AKT3: variants seen among roughly 807,000 people sequenced by gnomAD.
AKT3 encodes the protein AKT serine/threonine kinase 3.
AKT3 carries 15 observed loss-of-function variants against 65.3 expected under a neutral mutation model. That is an observed-to-expected ratio of 0.23 (90% confidence interval 0.15 to 0.35). The LOEUF is 0.35. Ranked by LOEUF, AKT3 falls within the 10% of genes least tolerant of loss-of-function variation. The pLI is 1.00. For synonymous variants in AKT3, 206 were observed against 183.8 expected (o/e 1.12, Z -0.98); for missense variants, 243 against 576.5 (o/e 0.42, Z 5.92).
At chr1:243,599,956 T>A (rs977177996) in intron 8 of AKT3, among the ~76,000 whole-genome samples, 1 of 152,096 alleles carries the variant, frequency 6.6e-6, no homozygotes, top group African/African-American at 2.4e-5. Context: ...CTAAAACTAA[T>A]ATTAGTATGG....
At chr1:243,635,133 A>T (rs933079319) in intron 6 of AKT3, among the ~76,000 whole-genome samples, 4 of 151,978 alleles carry the variant, frequency 2.6e-5, no homozygotes, top group Admixed American at 1.3e-4. Flanking sequence ...CAACTACAAC[A>T]TGAAGTTAGA....
chr1:243,746,148 T>C (rs1485817866), intron 2 of AKT3, among the ~76,000 whole-genome samples: 1 of 152,194 alleles, frequency 6.6e-6, no homozygotes, highest in African/African-American at 2.4e-5. Flanking sequence ...AATGCTTATT[T>C]TACTAAACTC....
At chr1:243,816,164 T>C (rs1434052360) in intron 2 of AKT3, among the ~76,000 whole-genome samples, 1 of 152,176 alleles carries the variant, frequency 6.6e-6, no homozygotes, top group Non-Finnish European at 1.5e-5. Flanking sequence ...ATAATTCCAT[T>C]TCTGGTGGGA....
chr1:243,777,459 G>C (rs1054815858), intron 2 of AKT3, among the ~76,000 whole-genome samples: 1 of 152,142 alleles, frequency 6.6e-6, no homozygotes, highest in African/African-American at 2.4e-5. Flanking sequence ...GAGAAAAATT[G>C]TAACAGAAAT....
intron 4 of AKT3, among the ~76,000 whole-genome samples, chr1:243,651,370 T>G (rs769177624): frequency 6.6e-6 from 1 of 152,174 alleles, no homozygotes; most frequent in Non-Finnish European, 1.5e-5. Context: ...CTCTTCCTAT[T>G]TGAATATCCT....
chr1:243,675,697 T>C (rs1046781061), intron 3 of AKT3, among the ~76,000 whole-genome samples: 4 of 152,226 alleles, frequency 2.6e-5, no homozygotes, highest in African/African-American at 9.7e-5. Context: ...AGATATATTT[T>C]CCTTGTTCTC....
chr1:243,691,808 C>G (rs1482816604), intron 3 of AKT3, among the ~76,000 whole-genome samples: 1 of 152,114 alleles, frequency 6.6e-6, no homozygotes, highest in Non-Finnish European at 1.5e-5. Context: ...AGAGGCCTAG[C>G]CTAGAGATTT....
At chr1:243,772,748 T>C (rs1029509181) in intron 2 of AKT3, among the ~76,000 whole-genome samples, 2 of 152,174 alleles carry the variant, frequency 1.3e-5, no homozygotes, top group Non-Finnish European at 2.9e-5. Context: ...ATATGTTTAT[T>C]GAGGCACTAC....
intron 9 of AKT3, among the ~76,000 whole-genome samples, chr1:243,568,803 C>A (rs1218591882): frequency 6.6e-6 from 1 of 152,146 alleles, no homozygotes; most frequent in Non-Finnish European, 1.5e-5. Flanking sequence ...ACTCACTGGC[C>A]TGGAAGCTTC....
intron 2 of AKT3, among the ~76,000 whole-genome samples, chr1:243,816,785 G>A (rs1693552337): frequency 6.6e-6 from 1 of 152,136 alleles, no homozygotes; most frequent in Non-Finnish European, 1.5e-5. Flanking sequence ...CTTATAAAGG[G>A]AGAAAGGGCA....
At chr1:243,540,213 C>A (rs953353249) in intron 12 of AKT3, among the ~76,000 whole-genome samples, 1 of 151,878 alleles carries the variant, frequency 6.6e-6, no homozygotes, top group African/African-American at 2.4e-5. Context: ...ATACAATGTA[C>A]CAACGCTAGC....
At chr1:243,697,345 T>C (rs1250511234) in intron 2 of AKT3, among the ~76,000 whole-genome samples, 1 of 151,908 alleles carries the variant, frequency 6.6e-6, no homozygotes, top group African/African-American at 2.4e-5. Context: ...CTGCAGTATG[T>C]TGTTTTGGTT....
downstream of AKT3, among the ~76,000 whole-genome samples, chr1:243,496,781 T>C (rs896218986): frequency 6.6e-6 from 1 of 152,206 alleles, no homozygotes; most frequent in African/African-American, 2.4e-5. Flanking sequence ...TTTCTTACAC[T>C]CAGAACTTAA....
chr1:243,601,395 C>T (rs1395523747), intron 8 of AKT3, among the ~76,000 whole-genome samples: 1 of 152,094 alleles, frequency 6.6e-6, no homozygotes, highest in Non-Finnish European at 1.5e-5. Context: ...AAAAATACCA[C>T]TATACATCCA....
At position 243,586,814 on chromosome 1, in the gene AKT3, T is replaced by G. The variant is rs141702577; in HGVS notation, c.697-13766A>C. On this transcript the variant is annotated intron_variant, in intron 8 of 13. Transcript: ENST00000673466. ...CATGGGATCATTTGTATGCCAAACC[T>G]CAGCATCATGGCCATATACCCAGGT... is the stretch of plus-strand genomic sequence containing the variant. 3.0e-3 allele frequency among the ~76,000 whole-genome samples: 452 copies of G among 151,992 alleles called. 5 individuals carry two copies. Among genetic ancestry groups the G allele is most frequent in the African/African-American group, 0.01 (422 of 41,442 alleles).
chr1:243,505,516 T>C (rs1230821739), intron 13 of AKT3, among the ~76,000 whole-genome samples, 182 bp from the exon 14 acceptor site: 1 of 152,166 alleles, frequency 6.6e-6, no homozygotes, highest in Non-Finnish European at 1.5e-5. Flanking sequence ...TTTTCATAAA[T>C]ACATAGTCTA....
intron 3 of AKT3, among the ~76,000 whole-genome samples, chr1:243,675,009 TTCCATCTTTATG>T (rs1683404012): frequency 6.6e-6 from 1 of 152,176 alleles, no homozygotes; most frequent in South Asian, 2.1e-4. Flanking sequence ...TGTCTATTAT[TTCCATCTTTATG>T]TCCATATGTA....
At chr1:243,656,988 A>G (rs1681851145) in intron 4 of AKT3, among the ~76,000 whole-genome samples, 1 of 152,254 alleles carries the variant, frequency 6.6e-6, no homozygotes, top group Admixed American at 6.5e-5. Context: ...TAAAACACAC[A>G]GAAATAATAC....
intron 8 of AKT3, among the ~76,000 whole-genome samples, chr1:243,583,007 A>C (rs1365277390): frequency 3.3e-5 from 5 of 151,460 alleles, no homozygotes; most frequent in African/African-American, 1.2e-4. Flanking sequence ...AGTTAAAAAA[A>C]AAAAAGACAA....
Sources: gnomAD v4.1 joint callset for allele counts (sites outside exome capture counted in the v4.1 genomes callset) on GRCh38, gnomAD v4.1.1 for gene constraint, MANE v1.5 for transcripts, NCBI Gene and HGNC (gene_info 2026-07-23, HGNC 2026-07-21) for gene names.